The following PRRC2B variants were observed in gnomAD, a reference collection of about 807,000 sequenced individuals.
PRRC2B encodes proline rich coiled-coil 2B.
In PRRC2B, 68 loss-of-function variants were observed where a neutral mutation model predicts 242.3. The ratio of observed to expected loss-of-function variants is 0.28; its 90% CI spans 0.23 to 0.34. The LOEUF is 0.34. Among genes scored for constraint, PRRC2B ranks in the 10% least tolerant of loss-of-function variants. The probability of loss-of-function intolerance (pLI) is 1.00; values close to 1 mark genes in which losing one functional copy is unlikely to be tolerated. For missense variants in PRRC2B, 2,835 were observed against 2,954.8 expected (o/e 0.96, Z 0.94); for synonymous variants, 1,228 against 1,173.6 (o/e 1.05, Z -0.95).
intron 20 of PRRC2B, 98 bp downstream of exon 20, chr9:131,481,906 C>T (rs367721516): frequency 8.4e-6 from 9 of 1,074,014 alleles, no homozygotes; most frequent in South Asian, 5.4e-5. Context: ...ACCCAAGCCC[C>T]TGCCACAGCA....
chr9:131,376,868 A>G (rs1247935386), intron 1 of PRRC2B, among the ~76,000 whole-genome samples: 1 of 152,132 alleles, frequency 6.6e-6, no homozygotes, highest in Non-Finnish European at 1.5e-5. Context: ...TTAGCCAGGC[A>G]TGGTGGTATG....
At chr9:131,461,025 CTG>C (rs1312350676) in intron 11 of PRRC2B, among the ~76,000 whole-genome samples, 2 of 152,200 alleles carry the variant, frequency 1.3e-5, no homozygotes, top group East Asian at 1.9e-4. Context: ...ATATTGGAAA[CTG>C]TGTTCTCATT....
chr9:131,467,335 G>T (rs968760442), intron 12 of PRRC2B, among the ~76,000 whole-genome samples: 6 of 152,192 alleles, frequency 3.9e-5, no homozygotes, highest in African/African-American at 1.4e-4. Context: ...TTGACCCTTA[G>T]TGTCCTAGTC....
At chr9:131,407,290 G>GT (rs1206622393) in intron 1 of PRRC2B, among the ~76,000 whole-genome samples, 1 of 151,978 alleles carries the variant, frequency 6.6e-6, no homozygotes, top group South Asian at 2.1e-4. Flanking sequence ...GTGCAATACG[G>GT]TTTTTTAGAC....
chr9:131,495,048 G>A (rs1180585197), intron 31 of PRRC2B, among the ~76,000 whole-genome samples: 1 of 152,186 alleles, frequency 6.6e-6, no homozygotes, highest in Non-Finnish European at 1.5e-5. Context: ...GGCTGGTAGA[G>A]ATGGGAAGTG....
intron 5 of PRRC2B, among the ~76,000 whole-genome samples, chr9:131,443,738 C>T (rs1242485497): frequency 2.0e-5 from 3 of 152,164 alleles, no homozygotes; most frequent in Non-Finnish European, 4.4e-5. Flanking sequence ...GCAAAAGCAG[C>T]ATCTTAATCC....
At chr9:131,474,188 C>T (rs879590334) in intron 15 of PRRC2B, among the ~76,000 whole-genome samples, 20 of 152,140 alleles carry the variant, frequency 1.3e-4, no homozygotes, top group Non-Finnish European at 2.6e-4. Context: ...CCTGCGGCCA[C>T]GACAGTCTTC....
intron 14 of PRRC2B, among the ~76,000 whole-genome samples, chr9:131,471,282 T>G (rs1943539056): frequency 6.6e-6 from 1 of 152,260 alleles, no homozygotes; most frequent in Non-Finnish European, 1.5e-5. Flanking sequence ...GTGCTGTCTC[T>G]TTTTTCTTTG....
chr9:131,437,629 C>G (rs1038384965), intron 4 of PRRC2B, among the ~76,000 whole-genome samples: 10 of 152,254 alleles, frequency 6.6e-5, no homozygotes, highest in African/African-American at 2.2e-4. Context: ...GTCATCCCCT[C>G]TCTGCTTTAA....
At chr9:131,407,647 C>CA (rs1182854854) in intron 1 of PRRC2B, among the ~76,000 whole-genome samples, 1 of 152,158 alleles carries the variant, frequency 6.6e-6, no homozygotes, top group Non-Finnish European at 1.5e-5. Flanking sequence ...TTATTTATAC[C>CA]AACCCAGCCC....
chr9:131,477,658 G>T (rs1943742220), intron 16 of PRRC2B, 86 bp from the exon 17 acceptor site: 6 of 794,130 alleles, frequency 7.6e-6, no homozygotes, highest in Non-Finnish European at 1.2e-5. Context: ...AGATCAGGGT[G>T]CCGGGCTTGT....
intron 1 of PRRC2B, among the ~76,000 whole-genome samples, chr9:131,395,264 C>G (rs185557642): frequency 2.0e-5 from 3 of 151,938 alleles, no homozygotes; most frequent in African/African-American, 7.3e-5. Context: ...TAAACTTTCC[C>G]TAAGATTTTT....
At chr9:131,404,592 G>GAA (rs34830565) in intron 1 of PRRC2B, among the ~76,000 whole-genome samples, 2,063 of 150,856 alleles carry the variant, frequency 0.014, 33 homozygotes, top group Admixed American at 0.032. Context: ...CACTCTCTCT[G>GAA]AAAAAAAAAC....
chr9:131,488,527 G>C lies in PRRC2B; in HGVS notation c.6225+431G>C, dbSNP rs977203494. Among the ~76,000 whole-genome samples, 3 of 152,298 alleles carry C rather than the reference G, an allele frequency of 2.0e-5. No individual in the cohort carries two copies. In the East Asian group the frequency reaches 5.8e-4, roughly 29 times the overall value. On this transcript the variant is annotated intron_variant, in intron 28 of 31. Coordinates refer to ENST00000683519, the MANE Select transcript of PRRC2B (RefSeq NM_013318.4). ...TCTGCCCGCCTTGGCCTCCCAAAGG[G>C]CTGGGATGACAGGCGTGAGCCACCA...
chr9:131,416,331 A>T (rs1837650764), intron 1 of PRRC2B, among the ~76,000 whole-genome samples: 1 of 151,842 alleles, frequency 6.6e-6, no homozygotes, highest in African/African-American at 2.4e-5. Flanking sequence ...CTGGTCTCGA[A>T]CCCCTGACCT....
At chr9:131,460,384 G>T (rs1013870843) in intron 11 of PRRC2B, among the ~76,000 whole-genome samples, 1 of 152,126 alleles carries the variant, frequency 6.6e-6, no homozygotes, top group African/African-American at 2.4e-5. Context: ...CCTCAAATTG[G>T]GTTTATCATC....
chr9:131,491,650 A>C (rs920579791), intron 29 of PRRC2B, 70 bp downstream of exon 29: 1 of 1,416,040 alleles, frequency 7.1e-7, no homozygotes. Context: ...CTAGCAAGCT[A>C]AGTACCCCTG....
chr9:131,450,821 C>T (rs1359317111), intron 9 of PRRC2B, among the ~76,000 whole-genome samples: 2 of 152,064 alleles, frequency 1.3e-5, no homozygotes, highest in Non-Finnish European at 2.9e-5. Context: ...CTCCTGACCT[C>T]AGGTGATAGG....
rs780066274 is a variant in PRRC2B at position 131,478,460 on chromosome 9, A to C, written c.4613-14A>C. 17 of 1,612,022 alleles carry C rather than the reference A, an allele frequency of 1.1e-5. No homozygotes were observed. The Admixed American group carries it at 1.5e-4, about 14-fold the overall frequency. ...AGTGGAAAGACTGTTCCTTCTCGTG[A>C]AATCTTGGTTCAGGTGCCATCATTG... On this transcript the variant is annotated splice_polypyrimidine_tract_variant and intron_variant, in intron 17 of 31. Coordinates refer to ENST00000683519, the MANE Select transcript of PRRC2B (RefSeq NM_013318.4).
Sources: allele counts gnomAD v4.1 joint callset (sites outside exome capture counted in the v4.1 genomes callset), GRCh38; gene constraint gnomAD v4.1.1; transcripts MANE v1.5; gene names NCBI Gene and HGNC (gene_info 2026-07-23, HGNC 2026-07-21).